Variants in ZNRF3 observed in about 807,000 individuals in gnomAD.
The protein encoded by ZNRF3 is zinc and ring finger 3.
Under a neutral mutation model 72.5 loss-of-function variants are expected in ZNRF3, and 23 were observed. The ratio of observed to expected loss-of-function variants is 0.32; its 90% CI spans 0.23 to 0.45. The LOEUF (loss-of-function observed/expected upper bound fraction) is 0.45. ZNRF3 is among the 20% of genes least tolerant of loss of function. ZNRF3 has a pLI of 1.00. For synonymous variants in ZNRF3, 610 were observed against 545.3 expected, an observed-to-expected ratio of 1.12 and a Z score of -1.65; for missense variants, 1,169 against 1,272.1, an observed-to-expected ratio of 0.92 and a Z score of 1.23.
At position 28,931,134 on chromosome 22, in the gene ZNRF3, T is replaced by C. The variant is rs376447435; in HGVS notation, c.300+47068T>C. Among the ~76,000 whole-genome samples, 39 of 152,312 alleles carry C rather than the reference T, an allele frequency of 2.6e-4. 1 individual carries two copies. The highest frequency in any genetic ancestry group is 6.8e-3 in the Middle Eastern group (2 of 294). ...AAGTAGTCATTTCAGTGCAACACTTTAGGGTCTTCTGGAAAGTAAGAAATT... is the reference window on the plus strand; with the variant it reads ...AAGTAGTCATTTCAGTGCAACACTTCAGGGTCTTCTGGAAAGTAAGAAATT... On this transcript the variant is annotated intron_variant, in intron 1 of 8. Transcript: ENST00000544604.
At chr22:29,031,409 T>C (rs2036753260) in intron 2 of ZNRF3, 1 of 171,632 alleles carries the variant, frequency 5.8e-6, no homozygotes, top group Non-Finnish European at 1.2e-5. Flanking sequence ...CGTGTGCTCT[T>C]GGTGTGTGAC....
chr22:28,984,563 T>A (rs2035820139), intron 1 of ZNRF3, among the ~76,000 whole-genome samples: 1 of 152,210 alleles, frequency 6.6e-6, no homozygotes, highest in Non-Finnish European at 1.5e-5. Flanking sequence ...TCTGGAAACC[T>A]CCAAGTTGTG....
intron 1 of ZNRF3, among the ~76,000 whole-genome samples, chr22:28,959,358 A>G (rs1198902891): frequency 6.6e-6 from 1 of 152,190 alleles, no homozygotes; most frequent in Non-Finnish European, 1.5e-5. Context: ...TTCTGGAGGA[A>G]TAGTCTAGTT....
At chr22:28,996,793 CT>C (rs1205036844) in intron 2 of ZNRF3, among the ~76,000 whole-genome samples, 3 of 152,188 alleles carry the variant, frequency 2.0e-5, no homozygotes, top group Non-Finnish European at 4.4e-5. Context: ...ATCTTTGCTG[CT>C]TGCATTGGGA....
At chr22:29,036,205 A>G (rs191664883) in intron 2 of ZNRF3, among the ~76,000 whole-genome samples, 1 of 152,306 alleles carries the variant, frequency 6.6e-6, no homozygotes, top group Admixed American at 6.5e-5. Flanking sequence ...TACCCTTATA[A>G]ATAGCAAAAA....
intron 2 of ZNRF3, among the ~76,000 whole-genome samples, chr22:29,001,057 GC>G (rs2036132506): frequency 8.0e-6 from 1 of 125,784 alleles, no homozygotes; most frequent in African/African-American, 2.9e-5. Context: ...CCAAAGCTTT[GC>G]CTTTTTTTTT....
At chr22:28,958,664 C>A (rs935877248) in intron 1 of ZNRF3, among the ~76,000 whole-genome samples, 13 of 152,086 alleles carry the variant, frequency 8.5e-5, no homozygotes. Flanking sequence ...ATAAGAGTGG[C>A]CCTTTTGGAG....
At chr22:28,938,746 G>T (rs1248820053) in intron 1 of ZNRF3, among the ~76,000 whole-genome samples, 1 of 152,104 alleles carries the variant, frequency 6.6e-6, no homozygotes. Context: ...TAGCTGAGGG[G>T]AGATGTATAT....
At chr22:29,020,821 G>A (rs2036525931) in intron 2 of ZNRF3, among the ~76,000 whole-genome samples, 1 of 150,676 alleles carries the variant, frequency 6.6e-6, no homozygotes, top group South Asian at 2.1e-4. Context: ...GTTTGAGACA[G>A]AGTCTCGCTC....
chr22:28,987,410 C>T (rs903051452), intron 2 of ZNRF3, among the ~76,000 whole-genome samples: 24 of 152,362 alleles, frequency 1.6e-4, no homozygotes, highest in African/African-American at 5.8e-4. Context: ...CTGCCAGTCT[C>T]AGAGCGGGCT....
chr22:28,941,194 G>C (rs2034940547), intron 1 of ZNRF3, among the ~76,000 whole-genome samples: 1 of 152,164 alleles, frequency 6.6e-6, no homozygotes, highest in Non-Finnish European at 1.5e-5. Flanking sequence ...GCCAGGGAGG[G>C]AAATCAAGAG....
rs781494757 is a variant in ZNRF3 at position 28,987,153 on chromosome 22, G to T, written c.378G>T (p.Leu126=). 4 of 1,613,808 alleles carry T rather than the reference G, an allele frequency of 2.5e-6. No homozygotes were observed. The East Asian group carries it at 8.9e-5, about 36-fold the overall frequency. Residue 126 remains leucine (L), a synonymous_variant, in exon 2 of 9, where the codon CTG becomes CTT. Transcript: ENST00000544604. ...ATGGCTGGGTAGGAGTGGTGAAGCTGGAACAGCCAGAATTGGACCCGAAAC... is the reference window on the plus strand; with the variant it reads ...ATGGCTGGGTAGGAGTGGTGAAGCTTGAACAGCCAGAATTGGACCCGAAAC... ...YEYGWVGVVK[L]EQPELDPKPC...
chr22:28,976,533 G>C (rs918849434), intron 1 of ZNRF3, among the ~76,000 whole-genome samples: 12 of 152,088 alleles, frequency 7.9e-5, no homozygotes, highest in Admixed American at 2.0e-4. Flanking sequence ...ATATAGCTTT[G>C]GAATTTTTTT....
At chr22:28,887,050 A>G (rs2033800894) in intron 1 of ZNRF3, among the ~76,000 whole-genome samples, 1 of 152,188 alleles carries the variant, frequency 6.6e-6, no homozygotes. Context: ...GCTAAATAGT[A>G]GCACTATAGC....
intron 2 of ZNRF3, among the ~76,000 whole-genome samples, chr22:29,040,220 C>T (rs1437223760): frequency 6.6e-6 from 1 of 151,938 alleles, no homozygotes; most frequent in Non-Finnish European, 1.5e-5. Flanking sequence ...CACTCTGTCG[C>T]CCAGGCTGGA....
At chr22:29,010,385 A>C (rs1014856527) in intron 2 of ZNRF3, among the ~76,000 whole-genome samples, 6 of 152,140 alleles carry the variant, frequency 3.9e-5, no homozygotes, top group African/African-American at 1.4e-4. Flanking sequence ...CACGTGGCAT[A>C]ATGCCTTCAA....
chr22:29,032,281 G>A lies in ZNRF3; in HGVS notation c.427-10214G>A, dbSNP rs140074614. On this transcript the variant is annotated intron_variant, in intron 2 of 8. Coordinates refer to ENST00000544604, the MANE Select transcript of ZNRF3 (RefSeq NM_001206998.2). ...AGCTTTCTTTTGGTAAAGGTACTAA[G>A]GGAGGCTCCCATTCCTGCAGAATGG... Among the ~76,000 whole-genome samples, 475 of 152,324 alleles carry A rather than the reference G, an allele frequency of 3.1e-3. 1 individual carries two copies. Among genetic ancestry groups the A allele is most frequent in the South Asian group, 6.0e-3 (29 of 4,830 alleles).
intron 2 of ZNRF3, among the ~76,000 whole-genome samples, chr22:29,029,584 C>T (rs900697364): frequency 6.6e-6 from 1 of 152,028 alleles, no homozygotes; most frequent in South Asian, 2.1e-4. Context: ...GGTTCTCTGC[C>T]CTATCTGAAT....
At chr22:28,924,741 AAAT>A (rs201978506) in intron 1 of ZNRF3, among the ~76,000 whole-genome samples, 3 of 152,110 alleles carry the variant, frequency 2.0e-5, no homozygotes, top group Non-Finnish European at 2.9e-5. Flanking sequence ...TGTCTCTAAA[AAAT>A]AATAATAATA....
Sources: allele counts gnomAD v4.1 joint callset (sites outside exome capture counted in the v4.1 genomes callset), GRCh38; gene constraint gnomAD v4.1.1; transcripts MANE v1.5; gene names NCBI Gene and HGNC (gene_info 2026-07-23, HGNC 2026-07-21).